The following UVSSA variants were observed in gnomAD, a reference collection of about 807,000 sequenced individuals.
UVSSA encodes the protein UV-stimulated scaffold protein A.
UVSSA carries 72 observed loss-of-function variants against 73.9 expected under a neutral mutation model. That is an observed-to-expected ratio of 0.97 (90% CI 0.81 to 1.19). The LOEUF is 1.19. Ranked by LOEUF, UVSSA falls within the 50% of genes most tolerant of loss-of-function variation. The pLI, the probability that UVSSA is intolerant of heterozygous loss-of-function variation, is 0.00. For synonymous variants in UVSSA, 454 were observed against 391.3 expected (o/e 1.16, Z -1.89); for missense variants, 1,150 against 965.0 (o/e 1.19, Z -2.54).
chr4:1,346,933 C>T (rs1400378112), upstream of UVSSA, among the ~76,000 whole-genome samples: 3 of 152,256 alleles, frequency 2.0e-5, no homozygotes, highest in Non-Finnish European at 4.4e-5. Context: ...CGGGAGCGCG[C>T]CTACGTCACC....
At position 1,376,904 on chromosome 4, in the gene UVSSA, G is replaced by A. The variant is rs540397089; in HGVS notation, c.1568+736G>A. Among the ~76,000 whole-genome samples, 201 of 152,280 alleles carry A rather than the reference G, an allele frequency of 1.3e-3. 1 individual carries two copies. The highest frequency in any genetic ancestry group is 3.4e-3 in the Middle Eastern group (1 of 294). On this transcript the variant is annotated intron_variant, in intron 10 of 13. Coordinates refer to ENST00000389851, the MANE Select transcript of UVSSA (RefSeq NM_020894.4). The stretch of plus-strand genomic sequence containing the variant: ...CTGGGATGGAAGGTCACCCTAAGGC[G>A]TCTTCCTTAGAGGGCAGAGGTGGGT...
In UVSSA at chr4:1,347,503, A is replaced by T. The variant is rs71614967; in HGVS notation, c.-260A>T. On this transcript the variant is annotated 5_prime_UTR_variant, in exon 1 of 14. Transcript: ENST00000389851. ...CCCTGCCGGGCCCCTTCTTTCCCCG[A>T]GTAGGGCGCAGCTTCCCAGCCTCCG... The T allele has an allele frequency of 6.6e-6, 1 of 152,246 alleles. No homozygotes were observed. The highest frequency in any genetic ancestry group is 6.5e-5 in the Admixed American group (1 of 15,280). 9.4% of individuals were successfully genotyped at this position (152,246 alleles called of 1,614,324 possible). A position where few individuals can be genotyped will look rare whatever the true frequency, so the allele number is the denominator to read the frequency against.
chr4:1,354,863 G>T lies in UVSSA; in HGVS notation c.1047+16G>T. The stretch of plus-strand genomic sequence containing the variant: ...GTGGATCCAGGTGAGCCTCGAACCT[G>T]GGACCTGTGGGTGGAGGGACGTGTG... On this transcript the variant is annotated intron_variant, in intron 6 of 13. Coordinates refer to ENST00000389851, the MANE Select transcript of UVSSA (RefSeq NM_020894.4). 1 of 1,575,758 alleles carries T rather than the reference G, an allele frequency of 6.3e-7. No individual in the cohort carries two copies. Among genetic ancestry groups the T allele is most frequent in the East Asian group, 2.3e-5 (1 of 43,496 alleles).
chr4:1,375,198 C>T (rs553989624), intron 8 of UVSSA, 166 bp from the exon 9 acceptor site: 23 of 1,147,912 alleles, frequency 2.0e-5, no homozygotes, highest in East Asian at 7.2e-5. Flanking sequence ...GCTGCTGCTC[C>T]GGGCCTCACC....
At chr4:1,379,491 G>C (rs2109291211) in intron 10 of UVSSA, among the ~76,000 whole-genome samples, 1 of 152,090 alleles carries the variant, frequency 6.6e-6, no homozygotes, top group East Asian at 1.9e-4. Flanking sequence ...TGGGACGCCT[G>C]GGAGACCTGG....
At chr4:1,395,341 G>A (rs1437268707) in exon 14 of UVSSA, 1 of 1,528,918 alleles carries the variant, frequency 6.5e-7, no homozygotes, top group Admixed American at 1.9e-5. Context: ...TGCCGATGTG[G>A]GGTGCCCGCC....
rs1233275014 is a variant in UVSSA at position 1,380,782 on chromosome 4, C to A, written c.1753-98C>A. 1.9e-6 allele frequency: 3 copies of A among 1,586,166 alleles called. No individual in the cohort carries two copies. The African/African-American group carries it at 4.0e-5, about 21-fold the overall frequency. ...ACTTTGGCTCTGTGATACCACCCAC[C>A]CTGGTCGCTGTTTGTGCCCAAGTCG... On this transcript the variant is annotated intron_variant, in intron 11 of 13. Transcript: ENST00000389851.
intron 5 of UVSSA, 103 bp downstream of exon 5, chr4:1,353,516 C>T: frequency 7.2e-7 from 1 of 1,392,802 alleles, no homozygotes; most frequent in East Asian, 2.6e-5. Context: ...ATGCAGGGGC[C>T]TCCCCTGGGG....
chr4:1,367,559 C>T (rs1297820338), intron 8 of UVSSA, among the ~76,000 whole-genome samples: 1 of 152,174 alleles, frequency 6.6e-6, no homozygotes, highest in Non-Finnish European at 1.5e-5. Flanking sequence ...GTCTTCTGCC[C>T]TGGGGCCGCC....
upstream of UVSSA, among the ~76,000 whole-genome samples, chr4:1,344,646 T>A (rs1020281127): frequency 6.6e-6 from 1 of 152,220 alleles, no homozygotes; most frequent in Non-Finnish European, 1.5e-5. Context: ...AGCACCTGCT[T>A]TTTGTCTGGC....
At chr4:1,342,998 C>A (rs1348208969), upstream of UVSSA, among the ~76,000 whole-genome samples, 1 of 152,128 alleles carries the variant, frequency 6.6e-6, no homozygotes, top group Non-Finnish European at 1.5e-5. Flanking sequence ...GTTGTAAAAT[C>A]AACTCATCAG....
intron 13 of UVSSA, chr4:1,384,639 G>A (rs1475887654): frequency 4.6e-5 from 7 of 152,340 alleles, no homozygotes; most frequent in Non-Finnish European, 2.9e-5. Flanking sequence ...ACCTGAGGCT[G>A]TTGACTCCCT....
intron 7 of UVSSA, chr4:1,359,258 C>T (rs1716261906): frequency 1.3e-5 from 2 of 152,194 alleles, no homozygotes; most frequent in Admixed American, 6.5e-5. Context: ...TTTGGAGTGC[C>T]TCTGTGTGGC....
exon 14 of UVSSA, chr4:1,394,492 C>T (rs749736723): frequency 6.2e-7 from 1 of 1,614,066 alleles, no homozygotes; most frequent in Non-Finnish European, 8.5e-7. Flanking sequence ...AATAGCTGTC[C>T]AGGTGTCCCT....
At chr4:1,372,823 C>T (rs1202445424) in intron 8 of UVSSA, among the ~76,000 whole-genome samples, 1 of 63,944 alleles carries the variant, frequency 1.6e-5, no homozygotes, top group African/African-American at 6.3e-5. Flanking sequence ...TCAGGGCACT[C>T]ACCTCCCGCG....
rs189065172 is a variant in UVSSA, at chr4:1,362,302, G to A, written c.1177-4018G>A. 1.6e-3 allele frequency among the ~76,000 whole-genome samples: 237 copies of A among 152,294 alleles called. 3 individuals are homozygous for A. The highest frequency in any genetic ancestry group is 2.9e-3 in the Non-Finnish European group (197 of 68,028). Reference sequence around the variant, plus strand: ...TGGTCTTGGCTCTCCATGTCGAGGGGTCTATAGCTCCTGTAGCTCCTGCAC... The same window carrying A: ...TGGTCTTGGCTCTCCATGTCGAGGGATCTATAGCTCCTGTAGCTCCTGCAC... On this transcript the variant is annotated intron_variant, in intron 7 of 13. Coordinates refer to ENST00000389851, the MANE Select transcript of UVSSA (RefSeq NM_020894.4).
intron 7 of UVSSA, among the ~76,000 whole-genome samples, chr4:1,362,371 TGG>T (rs1411318759): frequency 4.6e-5 from 7 of 152,190 alleles, no homozygotes; most frequent in Non-Finnish European, 8.8e-5. Context: ...GCAGGGGACT[TGG>T]CCCATTAGGG....
At chr4:1,350,006 G>C in intron 3 of UVSSA, 152 bp downstream of exon 3, 1 of 748,832 alleles carries the variant, frequency 1.3e-6, no homozygotes, top group Admixed American at 3.0e-5. Context: ...ACCATCTGTG[G>C]GGTGTGGGAA....
chr4:1,377,293 G>A (rs113150699), intron 10 of UVSSA, among the ~76,000 whole-genome samples: 28 of 152,192 alleles, frequency 1.8e-4, no homozygotes, highest in African/African-American at 4.1e-4. Context: ...CTGTGTTCCC[G>A]GGGTTCTGCT....
Sources: allele counts gnomAD v4.1 joint callset (sites outside exome capture counted in the v4.1 genomes callset), GRCh38; gene constraint gnomAD v4.1.1; transcripts MANE v1.5; gene names NCBI Gene and HGNC (gene_info 2026-07-23, HGNC 2026-07-21).